The following FSTL1 variants were observed in gnomAD, a reference collection of about 807,000 sequenced individuals.
FSTL1 encodes follistatin like 1, also known as follistatin-related protein 1.
In FSTL1, 24 loss-of-function variants were observed where a neutral mutation model predicts 45.9. The ratio of observed to expected loss-of-function variants is 0.52; its 90% CI spans 0.38 to 0.74. The LOEUF (loss-of-function observed/expected upper bound fraction) is 0.74. Ranked by LOEUF, FSTL1 falls within the 30% of genes least tolerant of loss-of-function variation. FSTL1 has a pLI of 0.00. For synonymous variants in FSTL1, 120 were observed against 137.6 expected (o/e 0.87, Z 0.89); for missense variants, 340 against 381.8 (o/e 0.89, Z 0.91).
chr3:120,424,029 G>A (rs1453539207), intron 2 of FSTL1: 3 of 152,186 alleles, frequency 2.0e-5, no homozygotes, highest in Non-Finnish European at 4.4e-5. Flanking sequence ...CTTCAGTAAT[G>A]GCCAAGGAAA....
intron 2 of FSTL1, among the ~76,000 whole-genome samples, chr3:120,446,865 A>G (rs535726531): frequency 6.6e-5 from 10 of 152,286 alleles, no homozygotes; most frequent in African/African-American, 2.4e-4. Context: ...TAGAATTGCT[A>G]TTGTTCTCTC....
At chr3:120,429,891 A>G (rs534084816) in intron 2 of FSTL1, among the ~76,000 whole-genome samples, 1 of 152,324 alleles carries the variant, frequency 6.6e-6, no homozygotes, top group African/African-American at 2.4e-5. Context: ...ATAGTTCCCT[A>G]TTCACTGTTT....
At position 120,402,810 on chromosome 3, in the gene FSTL1, T is replaced by C. The variant is rs746365386; in HGVS notation, c.803A>G (p.Asp268Gly). 6.4e-7 allele frequency: 1 copy of C among 1,562,738 alleles called. No individual in the cohort carries two copies. The highest frequency in any genetic ancestry group is 1.1e-5 in the South Asian group (1 of 90,098). Residue 268 changes from aspartate to glycine, a missense_variant and splice_region_variant, in exon 9 of 11, where the codon GAC becomes GGC. Physicochemically the swap from Asp to Gly is moderately conservative, Grantham distance 94 (BLOSUM62 -1). Transcript: ENST00000295633. ...GNWVCTAMTC[D>G]GKNQKGAQTQ... The stretch of plus-strand genomic sequence containing the variant: ...TTTCTGCTTGAAGCACAGCTCACCG[T>C]CACAGGTCATGGCTGTACAGACCCA...
At chr3:120,400,231 A>G (rs1936794110) in intron 9 of FSTL1, 3 of 455,840 alleles carry the variant, frequency 6.6e-6, no homozygotes, top group Non-Finnish European at 1.2e-5. Flanking sequence ...AGCTGGCCCT[A>G]CAAAAAAAGT....
chr3:120,442,048 T>C (rs2107671796), intron 2 of FSTL1, among the ~76,000 whole-genome samples: 1 of 152,364 alleles, frequency 6.6e-6, no homozygotes, highest in Non-Finnish European at 1.5e-5. Context: ...AGACCATGCC[T>C]AGTGGATGTT....
chr3:120,444,890 G>GT (rs1483334749), intron 2 of FSTL1, among the ~76,000 whole-genome samples: 1 of 149,770 alleles, frequency 6.7e-6, no homozygotes, highest in Non-Finnish European at 1.5e-5. Context: ...GCTTCAAAAT[G>GT]TTTTTGTAAA....
At chr3:120,405,015 C>T (rs1456995897) in intron 6 of FSTL1, 44 bp from the exon 7 acceptor site, 3 of 989,438 alleles carry the variant, frequency 3.0e-6, no homozygotes, top group African/African-American at 3.2e-5. Flanking sequence ...TTTTGCAGAA[C>T]CCCTGTTCCA....
At chr3:120,438,764 G>A (rs1325000032) in intron 2 of FSTL1, among the ~76,000 whole-genome samples, 1 of 152,142 alleles carries the variant, frequency 6.6e-6, no homozygotes, top group Non-Finnish European at 1.5e-5. Flanking sequence ...TGTCTGTCCT[G>A]AGTTATTCAT....
At chr3:120,431,871 T>A (rs780059389) in intron 2 of FSTL1, among the ~76,000 whole-genome samples, 19 of 152,182 alleles carry the variant, frequency 1.2e-4, no homozygotes, top group Non-Finnish European at 2.6e-4. Flanking sequence ...TACTGAGTAA[T>A]GAGGACCTAG....
chr3:120,415,596 C>T (rs550448493), intron 3 of FSTL1, among the ~76,000 whole-genome samples: 100 of 152,182 alleles, frequency 6.6e-4, no homozygotes, highest in South Asian at 1.9e-3. Context: ...AAATTGTTAA[C>T]GCTGGTTACT....
chr3:120,449,652 T>A (rs1230124430), intron 2 of FSTL1, among the ~76,000 whole-genome samples: 1 of 152,210 alleles, frequency 6.6e-6, no homozygotes, highest in East Asian at 1.9e-4. Context: ...GCGTATTTTT[T>A]AAAAATTGTG....
intron 2 of FSTL1, among the ~76,000 whole-genome samples, chr3:120,442,632 T>C (rs553071422): frequency 6.6e-6 from 1 of 151,290 alleles, no homozygotes; most frequent in Non-Finnish European, 1.5e-5. Context: ...ACACAAAAAT[T>C]AGCCGGGTGT....
In FSTL1 at chr3:120,402,895, A is replaced by G. The variant is rs1313366339; in HGVS notation, c.718T>C (p.Tyr240His). 4 of 1,612,368 alleles carry G rather than the reference A, an allele frequency of 2.5e-6. No individual in the cohort carries two copies. Among genetic ancestry groups the G allele is most frequent in the Non-Finnish European group, 3.4e-6 (4 of 1,178,498 alleles). The change falls in exon 9 of 11, where the codon TAT becomes CAT. Residue 240 changes from tyrosine to histidine, a missense_variant. Transcript: ENST00000295633. ...EKKCALEDET[Y>H]ADGAETEVDC... ...ACCTCGGTCTCAGCTCCATCTGCAT[A>G]CGTTTCATCCTCCAGGGCACACTCT...
chr3:120,443,367 G>A (rs1937665993), intron 2 of FSTL1, among the ~76,000 whole-genome samples: 1 of 149,670 alleles, frequency 6.7e-6, no homozygotes, highest in Non-Finnish European at 1.5e-5. Flanking sequence ...GGATCTGTAT[G>A]GTAAGGCTTT....
At chr3:120,435,686 T>A (rs1331240097) in intron 2 of FSTL1, among the ~76,000 whole-genome samples, 1 of 152,072 alleles carries the variant, frequency 6.6e-6, no homozygotes, top group Non-Finnish European at 1.5e-5. Flanking sequence ...GGAGTCAGAG[T>A]CAAACAACAA....
intron 2 of FSTL1, among the ~76,000 whole-genome samples, chr3:120,439,994 G>A (rs1937611512): frequency 6.6e-6 from 1 of 152,092 alleles, no homozygotes; most frequent in African/African-American, 2.4e-5. Flanking sequence ...CATGCCTGTA[G>A]TCCCAGCTAC....
chr3:120,440,213 A>G (rs1162843852), intron 2 of FSTL1, among the ~76,000 whole-genome samples: 2 of 152,366 alleles, frequency 1.3e-5, no homozygotes, highest in East Asian at 3.9e-4. Context: ...CTGCATTCCA[A>G]TGTGACTCAG....
chr3:120,445,629 T>C (rs1240424848), intron 2 of FSTL1, among the ~76,000 whole-genome samples: 1 of 149,494 alleles, frequency 6.7e-6, no homozygotes. Flanking sequence ...ATTTGTGCAT[T>C]TTGCTACCAT....
chr3:120,418,867 TA>T lies in FSTL1; in HGVS notation c.64-2841del, dbSNP rs528688339. ...GTGGCTATTACTACAGTGGGCAATT[TA>T]TTTTCAGACAACTTTCCCACTGAGA... On this transcript the variant is annotated intron_variant, in intron 2 of 10. Coordinates refer to ENST00000295633, the MANE Select transcript of FSTL1 (RefSeq NM_007085.5). 2.3e-3 allele frequency among the ~76,000 whole-genome samples: 354 copies of T among 152,322 alleles called. 1 individual carries two copies. The highest frequency in any genetic ancestry group is 2.8e-3 in the Non-Finnish European group (190 of 68,036).
Sources: gnomAD v4.1 joint callset for allele counts (sites outside exome capture counted in the v4.1 genomes callset) on GRCh38, gnomAD v4.1.1 for gene constraint, MANE v1.5 for transcripts, NCBI Gene and HGNC (gene_info 2026-07-23, HGNC 2026-07-21) for gene names.